The following ZSWIM6 variants were observed in gnomAD, a reference collection of about 807,000 sequenced individuals.
ZSWIM6 encodes the protein zinc finger SWIM-type containing 6.
Under a neutral mutation model 113.2 loss-of-function variants are expected in ZSWIM6, and 9 were observed. The observed-to-expected ratio is 0.08, with a 90% CI of 0.05 to 0.14. ZSWIM6 has a LOEUF of 0.14. Among genes scored for constraint, ZSWIM6 ranks in the 10% least tolerant of loss-of-function variants. ZSWIM6 has a pLI of 1.00. For synonymous variants in ZSWIM6, 611 were observed against 606.5 expected (o/e 1.01, Z -0.11); for missense variants, 1,162 against 1,552.2 (o/e 0.75, Z 4.22).
chr5:61,341,843 T>TG (rs1460916732), intron 1 of ZSWIM6, among the ~76,000 whole-genome samples: 2 of 151,488 alleles, frequency 1.3e-5, no homozygotes, highest in African/African-American at 4.8e-5. Context: ...ATAAATGATG[T>TG]GGTCTCCAAA....
Position 61,447,175 on chromosome 5 carries a change from G to C in ZSWIM6, c.677-25506G>C, listed in dbSNP as rs183133535. 5.0e-3 allele frequency among the ~76,000 whole-genome samples: 756 copies of C among 152,108 alleles called. 9 individuals carry two copies. The highest frequency in any genetic ancestry group is 0.017 in the African/African-American group (715 of 41,510). Reference sequence around the variant, plus strand: ...ACATGGAACTCCATCCTGCTTTCCTGTTCAACAGCAAAATGAGAAGTTAGG... The same window carrying C: ...ACATGGAACTCCATCCTGCTTTCCTCTTCAACAGCAAAATGAGAAGTTAGG... On this transcript the variant is annotated intron_variant, in intron 1 of 13. Coordinates refer to ENST00000252744, the MANE Select transcript of ZSWIM6 (RefSeq NM_020928.2).
At chr5:61,514,983 C>T (rs1748891473) in intron 4 of ZSWIM6, among the ~76,000 whole-genome samples, 1 of 152,154 alleles carries the variant, frequency 6.6e-6, no homozygotes. Flanking sequence ...TCCAGGGAAA[C>T]ATCTGGATCT....
At chr5:61,413,549 G>T (rs1056162076) in intron 1 of ZSWIM6, among the ~76,000 whole-genome samples, 5 of 152,152 alleles carry the variant, frequency 3.3e-5, no homozygotes, top group African/African-American at 9.6e-5. Context: ...GTAATGGAAT[G>T]GCTGGGTCAA....
At chr5:61,373,562 C>T (rs530020724) in intron 1 of ZSWIM6, among the ~76,000 whole-genome samples, 1 of 152,094 alleles carries the variant, frequency 6.6e-6, no homozygotes, top group Non-Finnish European at 1.5e-5. Flanking sequence ...TGGTTCATTG[C>T]AGTAACTTAT....
chr5:61,515,511 T>A (rs1357655408), intron 4 of ZSWIM6, among the ~76,000 whole-genome samples: 1 of 152,000 alleles, frequency 6.6e-6, no homozygotes, highest in Non-Finnish European at 1.5e-5. Context: ...CCCCAAATCA[T>A]CCTTTTATCA....
chr5:61,541,970 G>T lies in ZSWIM6; in HGVS notation c.2785+5G>T. On this transcript the variant is annotated splice_donor_5th_base_variant and intron_variant, in intron 13 of 13. Transcript: ENST00000252744. ...TAACGTGTGCTACTGAAGTCGGTAG[G>T]TAAACTCTGGAACAGAAGCTTTCCT... is the stretch of plus-strand genomic sequence containing the variant. 1 of 1,549,566 alleles carries T rather than the reference G, an allele frequency of 6.5e-7. No individual in the cohort carries two copies.
intron 1 of ZSWIM6, among the ~76,000 whole-genome samples, chr5:61,452,929 G>A (rs916432635): frequency 2.0e-5 from 3 of 152,136 alleles, no homozygotes; most frequent in African/African-American, 7.2e-5. Flanking sequence ...GAAGAGTACT[G>A]GTTAGATGCT....
At chr5:61,339,125 G>A (rs1280839256) in intron 1 of ZSWIM6, among the ~76,000 whole-genome samples, 1 of 152,166 alleles carries the variant, frequency 6.6e-6, no homozygotes, top group Non-Finnish European at 1.5e-5. Flanking sequence ...TGTGATTTCA[G>A]CTAGTAATGT....
At chr5:61,529,528 C>T (rs1458607727) in intron 7 of ZSWIM6, among the ~76,000 whole-genome samples, 2 of 152,134 alleles carry the variant, frequency 1.3e-5, no homozygotes, top group Non-Finnish European at 2.9e-5. Flanking sequence ...CAAGTCTAAC[C>T]CAAGCTACAG....
At chr5:61,359,370 T>A (rs966234639) in intron 1 of ZSWIM6, among the ~76,000 whole-genome samples, 6 of 152,116 alleles carry the variant, frequency 3.9e-5, no homozygotes, top group Admixed American at 2.6e-4. Flanking sequence ...TCACTGGTAG[T>A]TTTTATGCGG....
intron 4 of ZSWIM6, among the ~76,000 whole-genome samples, chr5:61,497,156 A>G (rs986476264): frequency 6.6e-6 from 1 of 152,040 alleles, no homozygotes; most frequent in Non-Finnish European, 1.5e-5. Flanking sequence ...AATCTGATGA[A>G]AGTGTACAAG....
chr5:61,405,211 G>T (rs977330685), intron 1 of ZSWIM6, among the ~76,000 whole-genome samples: 7 of 152,162 alleles, frequency 4.6e-5, no homozygotes, highest in African/African-American at 1.7e-4. Flanking sequence ...AGAAAGCTAT[G>T]TTTGAAGATA....
chr5:61,401,810 A>G (rs1247736665), intron 1 of ZSWIM6, among the ~76,000 whole-genome samples: 5 of 152,204 alleles, frequency 3.3e-5, no homozygotes, highest in African/African-American at 1.2e-4. Context: ...CTACAAAAGA[A>G]GCTTTAGCAT....
intron 1 of ZSWIM6, among the ~76,000 whole-genome samples, chr5:61,398,709 G>T (rs572314223): frequency 1.3e-5 from 2 of 152,194 alleles, no homozygotes; most frequent in South Asian, 4.1e-4. Flanking sequence ...CCCAGCAGAG[G>T]TTCATTACAA....
At chr5:61,517,108 T>C (rs1748968152) in intron 4 of ZSWIM6, among the ~76,000 whole-genome samples, 3 of 152,230 alleles carry the variant, frequency 2.0e-5, no homozygotes, top group Admixed American at 2.0e-4. Flanking sequence ...TTATGATATG[T>C]TTGGGAATGG....
At chr5:61,537,355 T>C (rs1334121522) in intron 10 of ZSWIM6, among the ~76,000 whole-genome samples, 2 of 152,214 alleles carry the variant, frequency 1.3e-5, no homozygotes, top group African/African-American at 2.4e-5. Flanking sequence ...GGCAGGTATG[T>C]GCCCCACCAG....
chr5:61,385,059 C>CA (rs1225591839), intron 1 of ZSWIM6, among the ~76,000 whole-genome samples: 11 of 151,086 alleles, frequency 7.3e-5, no homozygotes, highest in African/African-American at 2.2e-4. Context: ...GACTCCGTCT[C>CA]AAAAAAAAAT....
At chr5:61,390,027 T>C (rs1414603795) in intron 1 of ZSWIM6, among the ~76,000 whole-genome samples, 1 of 152,230 alleles carries the variant, frequency 6.6e-6, no homozygotes, top group East Asian at 1.9e-4. Context: ...CTTTTTTCCA[T>C]TTGCTGTAGA....
At chr5:61,473,870 A>G (rs1232987190) in intron 2 of ZSWIM6, among the ~76,000 whole-genome samples, 3 of 152,212 alleles carry the variant, frequency 2.0e-5, no homozygotes, top group African/African-American at 7.2e-5. Context: ...CTAGTCTCTC[A>G]ACCCTATTCT....
Sources: allele counts gnomAD v4.1 joint callset (sites outside exome capture counted in the v4.1 genomes callset), GRCh38; gene constraint gnomAD v4.1.1; transcripts MANE v1.5; gene names NCBI Gene and HGNC (gene_info 2026-07-23, HGNC 2026-07-21).